IGF2BP3: variants seen among roughly 807,000 people sequenced by gnomAD.
The protein encoded by IGF2BP3 is insulin-like growth factor 2 mRNA-binding protein 3.
A neutral mutation model predicts 73.8 loss-of-function variants in IGF2BP3; 9 were observed. The ratio of observed to expected loss-of-function variants is 0.12; its 90% CI spans 0.07 to 0.21. IGF2BP3 has a LOEUF of 0.21. Ranked by LOEUF, IGF2BP3 falls within the 10% of genes least tolerant of loss-of-function variation. The pLI, the probability that IGF2BP3 is intolerant of heterozygous loss-of-function variation, is 1.00. For missense variants in IGF2BP3, 542 were observed against 714.0 expected (o/e 0.76, Z 2.75); for synonymous variants, 258 against 256.7 (o/e 1.01, Z -0.05).
At position 23,469,629 on chromosome 7, in the gene IGF2BP3, C is replaced by A; in HGVS notation, c.175+307G>T. ...CCGGGGCCTGGAGCACGCGCCTGGG[C>A]CCGGGCGGGGCGCCGGGGGAGCGCG... On this transcript the variant is annotated intron_variant, in intron 1 of 14. Transcript: ENST00000258729. This position sits in a 1 kb window ranked among gnomAD's most constrained non-coding sequence, Gnocchi z 6.1. 6.0e-6 allele frequency: 1 copy of A among 165,860 alleles called. No individual in the cohort carries two copies. Among genetic ancestry groups the A allele is most frequent in the Non-Finnish European group, 1.3e-5 (1 of 77,268 alleles). The allele number at this position is 165,860 out of a possible 1,614,324, so 10.3% of individuals were successfully genotyped here. A position where few individuals can be genotyped will look rare whatever the true frequency, so the allele number is the denominator to read the frequency against.
rs559316292 is a variant in IGF2BP3 at position 23,399,132 on chromosome 7, G to A, written c.285+19644C>T. 1.7e-3 allele frequency among the ~76,000 whole-genome samples: 256 copies of A among 152,048 alleles called. 2 individuals are homozygous for A. Among genetic ancestry groups the A allele is most frequent in the African/African-American group, 5.9e-3 (243 of 41,490 alleles). The stretch of plus-strand genomic sequence containing the variant: ...CAGTTTCAGCTTTCTACATACGGCT[G>A]GCCAGTTTTCCCAGCACCATTTATT... On this transcript the variant is annotated intron_variant, in intron 3 of 14. Coordinates refer to ENST00000258729, the MANE Select transcript of IGF2BP3 (RefSeq NM_006547.3).
At chr7:23,380,958 C>T (rs1212577256) in intron 3 of IGF2BP3, among the ~76,000 whole-genome samples, 1 of 152,188 alleles carries the variant, frequency 6.6e-6, no homozygotes, top group African/African-American at 2.4e-5. Flanking sequence ...ATTAATACAC[C>T]TCTCTCCCAT....
intron 3 of IGF2BP3, among the ~76,000 whole-genome samples, chr7:23,379,627 A>T (rs1344779785): frequency 6.6e-6 from 1 of 152,196 alleles, no homozygotes; most frequent in Non-Finnish European, 1.5e-5. Context: ...AATTCTATAA[A>T]ACAGTAAATT....
Position 23,316,289 on chromosome 7 carries a change from G to T in IGF2BP3, c.1395+1350C>A, listed in dbSNP as rs569176155. Reference sequence around the variant, plus strand: ...TGGCCCAGAGAAAATAGAAGTCAAAGAAAGTGATTTTTTTTGTTTGATTTA... The same window carrying T: ...TGGCCCAGAGAAAATAGAAGTCAAATAAAGTGATTTTTTTTGTTTGATTTA... On this transcript the variant is annotated intron_variant, in intron 12 of 14. Coordinates refer to ENST00000258729, the MANE Select transcript of IGF2BP3 (RefSeq NM_006547.3). Among the ~76,000 whole-genome samples the T allele has an allele frequency of 2.6e-5, 4 of 152,278 alleles. No homozygotes were observed. In the South Asian group the frequency reaches 8.3e-4, roughly 32 times the overall value.
intron 3 of IGF2BP3, among the ~76,000 whole-genome samples, chr7:23,403,297 A>C (rs1011548121): frequency 3.3e-5 from 5 of 152,172 alleles, no homozygotes; most frequent in Admixed American, 3.3e-4. Context: ...GGATTATTCT[A>C]CATATGGTAC....
chr7:23,324,210 T>A (rs1022855346), intron 10 of IGF2BP3, among the ~76,000 whole-genome samples: 1 of 150,520 alleles, frequency 6.6e-6, no homozygotes, highest in Non-Finnish European at 1.5e-5. Flanking sequence ...AAGAATCAAA[T>A]AGACACAATA....
At chr7:23,343,436 G>A (rs944233538) in intron 9 of IGF2BP3, among the ~76,000 whole-genome samples, 1 of 152,172 alleles carries the variant, frequency 6.6e-6, no homozygotes, top group African/African-American at 2.4e-5. Context: ...CATTGTAAGA[G>A]AGGTACTATA....
At chr7:23,347,906 A>G in intron 6 of IGF2BP3, 172 bp from the exon 7 acceptor site, 1 of 607,226 alleles carries the variant, frequency 1.6e-6, no homozygotes, top group East Asian at 3.0e-5. Flanking sequence ...TTAAGAGGCA[A>G]ATTTTAATTC....
At chr7:23,341,270 C>T (rs188601045) in intron 10 of IGF2BP3, among the ~76,000 whole-genome samples, 1 of 152,268 alleles carries the variant, frequency 6.6e-6, no homozygotes, top group African/African-American at 2.4e-5. Flanking sequence ...TAAAAAAGTA[C>T]ACTCAACATG....
rs533509616 is a variant in IGF2BP3, at chr7:23,321,257, C to T, written c.1204-2003G>A. Among the ~76,000 whole-genome samples the T allele has an allele frequency of 6.0e-4, 88 of 145,586 alleles. 1 individual carries two copies. Among genetic ancestry groups the T allele is most frequent in the South Asian group, 1.7e-3 (8 of 4,594 alleles). ...AAGCAGGGCGAGGCATTGCCTCACT[C>T]GGGAAGCGCAAGGGGTCAGGGAGTT... is the stretch of plus-strand genomic sequence containing the variant. On this transcript the variant is annotated intron_variant, in intron 10 of 14. Transcript: ENST00000258729.
rs1483936379 is a variant in IGF2BP3 at position 23,409,948 on chromosome 7, C to T, written c.285+8828G>A. 2.0e-5 allele frequency among the ~76,000 whole-genome samples: 3 copies of T among 152,242 alleles called. No homozygotes were observed. In the East Asian group the frequency reaches 5.8e-4, roughly 29 times the overall value. On this transcript the variant is annotated intron_variant, in intron 3 of 14. Transcript: ENST00000258729. ...CTTTGGGAGGCCAAGATGGGTTGAT[C>T]ACCTGAGGTCAGGAGTTTGAGACTA...
At chr7:23,415,604 C>G (rs1787167803) in intron 3 of IGF2BP3, 3 of 262,156 alleles carry the variant, frequency 1.1e-5, no homozygotes, top group Non-Finnish European at 2.2e-5. Flanking sequence ...TTGGTTACAG[C>G]CTCTAGCTCC....
At chr7:23,452,475 T>TA (rs1562761211) in intron 2 of IGF2BP3, among the ~76,000 whole-genome samples, 1 of 152,116 alleles carries the variant, frequency 6.6e-6, no homozygotes, top group Admixed American at 6.6e-5. Flanking sequence ...AAGTTACAAA[T>TA]AGTTGAACAT....
intron 2 of IGF2BP3, among the ~76,000 whole-genome samples, chr7:23,467,393 ATTT>A (rs1788588830): frequency 6.6e-6 from 1 of 152,156 alleles, no homozygotes; most frequent in African/African-American, 2.4e-5. Flanking sequence ...CGCAGCCCTG[ATTT>A]AAATTAACTT....
At chr7:23,453,463 G>T (rs1332015950) in intron 2 of IGF2BP3, among the ~76,000 whole-genome samples, 4 of 152,164 alleles carry the variant, frequency 2.6e-5, no homozygotes, top group Non-Finnish European at 5.9e-5. Context: ...TAAGAATTCT[G>T]TGTTTTACAG....
intron 3 of IGF2BP3, among the ~76,000 whole-genome samples, chr7:23,363,078 G>A (rs1050833048): frequency 2.0e-5 from 3 of 152,164 alleles, no homozygotes; most frequent in African/African-American, 7.2e-5. Context: ...TAAAAGGGCG[G>A]TTCCTTGAAA....
intron 10 of IGF2BP3, among the ~76,000 whole-genome samples, chr7:23,319,535 A>G (rs546060509): frequency 6.6e-6 from 1 of 152,348 alleles, no homozygotes; most frequent in South Asian, 2.1e-4. Flanking sequence ...TAGATGTTGT[A>G]AAGTTTAATC....
intron 2 of IGF2BP3, among the ~76,000 whole-genome samples, chr7:23,442,088 T>C (rs1787950292): frequency 6.6e-6 from 1 of 152,124 alleles, no homozygotes; most frequent in African/African-American, 2.4e-5. Context: ...GATCATGCCA[T>C]TGCACTCCAG....
intron 3 of IGF2BP3, among the ~76,000 whole-genome samples, chr7:23,389,517 A>G (rs1424285383): frequency 6.6e-6 from 1 of 151,938 alleles, no homozygotes; most frequent in Non-Finnish European, 1.5e-5. Context: ...AAAAAGCAGG[A>G]AATTACATGC....
Sources: gnomAD v4.1 joint callset for allele counts (sites outside exome capture counted in the v4.1 genomes callset) on GRCh38, gnomAD v4.1.1 for gene constraint, Gnocchi (gnomAD v3.1) non-coding constraint, MANE v1.5 for transcripts, NCBI Gene and HGNC (gene_info 2026-07-23, HGNC 2026-07-21) for gene names.